SDK2: variants seen among roughly 807,000 people sequenced by gnomAD.
The protein encoded by SDK2 is sidekick cell adhesion molecule 2.
Under a neutral mutation model 253.9 loss-of-function variants are expected in SDK2, and 105 were observed. The observed-to-expected ratio is 0.41, with a 90% CI of 0.35 to 0.49. The LOEUF is 0.49. Among genes scored for constraint, SDK2 ranks in the 20% least tolerant of loss-of-function variants. The probability of loss-of-function intolerance (pLI) is 0.06; values close to 1 mark genes in which losing one functional copy is unlikely to be tolerated. For synonymous variants in SDK2, 1,249 were observed against 1,234.9 expected (o/e 1.01, Z -0.24); for missense variants, 2,608 against 3,003.0 (o/e 0.87, Z 3.07).
intron 1 of SDK2, among the ~76,000 whole-genome samples, chr17:73,592,342 G>A (rs1331050973): frequency 6.6e-6 from 1 of 152,236 alleles, no homozygotes; most frequent in Non-Finnish European, 1.5e-5. Flanking sequence ...ACACCTGTAT[G>A]ATCAGAAATG....
At chr17:73,346,141 G>A (rs773737434) in intron 44 of SDK2, among the ~76,000 whole-genome samples, 1 of 151,906 alleles carries the variant, frequency 6.6e-6, no homozygotes, top group Non-Finnish European at 1.5e-5. Flanking sequence ...GGGAGGTGGA[G>A]GTTGCAGTGA....
chr17:73,574,451 G>A (rs1599691946), intron 1 of SDK2, among the ~76,000 whole-genome samples: 1 of 152,312 alleles, frequency 6.6e-6, no homozygotes, highest in Non-Finnish European at 1.5e-5. Context: ...AAGCACACAT[G>A]CACACATACA....
At chr17:73,535,413 T>A (rs1224406612) in intron 1 of SDK2, among the ~76,000 whole-genome samples, 1 of 152,220 alleles carries the variant, frequency 6.6e-6, no homozygotes, top group Non-Finnish European at 1.5e-5. Context: ...TGGTGCCTGG[T>A]ACTGGTGTGC....
chr17:73,412,197 T>C (rs2063144924), intron 18 of SDK2, among the ~76,000 whole-genome samples: 1 of 149,012 alleles, frequency 6.7e-6, no homozygotes, highest in Admixed American at 6.8e-5. Context: ...CATACACACA[T>C]ATACATATAT....
Position 73,338,853 on chromosome 17 carries a change from T to C in SDK2, c.6253A>G (p.Asn2085Asp), listed in dbSNP as rs2062406330. The C allele has an allele frequency of 6.2e-7, 1 of 1,613,868 alleles. No individual in the cohort carries two copies. Among genetic ancestry groups the C allele is most frequent in the Non-Finnish European group, 8.5e-7 (1 of 1,179,876 alleles). Residue 2085 changes from asparagine to aspartate, a missense_variant, in exon 45 of 45, where the codon AAC becomes GAC. Physicochemically the swap from Asn to Asp is conservative, Grantham distance 23. This residue lies in a region of SDK2 where 1,103 missense variants were observed against 1,143.9 expected (regional missense o/e 0.96). Coordinates refer to ENST00000392650, the MANE Select transcript of SDK2 (RefSeq NM_001144952.2). The surrounding 1 kb of genome is among the most constrained non-coding windows in gnomAD (Gnocchi z 5.0). ...NHYISDPTYYNSWRRQQKGIS... is the reference protein window; with the variant it reads ...NHYISDPTYYDSWRRQQKGIS... ...CCCTTCTGCTGTCGCCGCCACGAGT[T>C]GTAGTATGTGGGGTCACTGATGTAG...
chr17:73,451,962 C>T (rs1377118417), intron 4 of SDK2, among the ~76,000 whole-genome samples: 1 of 152,060 alleles, frequency 6.6e-6, no homozygotes, highest in South Asian at 2.1e-4. Flanking sequence ...CATTTTTCAG[C>T]CACACCCCCT....
intron 1 of SDK2, among the ~76,000 whole-genome samples, chr17:73,576,389 G>C (rs1353335170): frequency 6.6e-6 from 1 of 152,194 alleles, no homozygotes; most frequent in African/African-American, 2.4e-5. Context: ...GGATGGGAAG[G>C]ACATCCCAAG....
intron 1 of SDK2, among the ~76,000 whole-genome samples, chr17:73,625,100 G>A (rs1263731150): frequency 6.6e-6 from 1 of 152,196 alleles, no homozygotes; most frequent in African/African-American, 2.4e-5. Flanking sequence ...CAGGATTCCA[G>A]CTGAGGTGTG....
At chr17:73,522,596 G>A (rs533922447) in intron 1 of SDK2, among the ~76,000 whole-genome samples, 60 of 152,360 alleles carry the variant, frequency 3.9e-4, no homozygotes, top group South Asian at 1.2e-3. Flanking sequence ...GAAGGTGATG[G>A]TATGTGGACT....
intron 1 of SDK2, among the ~76,000 whole-genome samples, chr17:73,591,321 C>T (rs912048286): frequency 2.0e-5 from 3 of 152,198 alleles, no homozygotes; most frequent in Non-Finnish European, 4.4e-5. Context: ...CCTTTGCTGG[C>T]GCCGGGTCTC....
chr17:73,345,687 G>A (rs1651761920), intron 44 of SDK2, among the ~76,000 whole-genome samples: 1 of 152,162 alleles, frequency 6.6e-6, no homozygotes, highest in Admixed American at 6.6e-5. Context: ...TAGGGAGAAT[G>A]GGGGCGGGAT....
At position 73,336,177 on chromosome 17, in the gene SDK2, TAAAAAAA is replaced by T. The variant is rs57845880; in HGVS notation, c.*2403_*2409del. ...AGAGAGGGAAAGGGATGAAGTTATT[TAAAAAAA>T]AAAAAAAAAAAAAGATGAGAGGAAA... is the stretch of plus-strand genomic sequence containing the variant. On this transcript the variant is annotated 3_prime_UTR_variant, in exon 45 of 45. Transcript: ENST00000392650. 3 of 116,142 alleles carry T rather than the reference TAAAAAAA, an allele frequency of 2.6e-5. No homozygotes were observed. Among genetic ancestry groups the T allele is most frequent in the African/African-American group, 9.6e-5 (3 of 31,350 alleles). The allele number at this position is 116,142 out of a possible 1,614,324, so 7.2% of individuals were successfully genotyped here.
intron 1 of SDK2, among the ~76,000 whole-genome samples, chr17:73,620,218 A>G (rs1484237316): frequency 2.0e-5 from 3 of 152,036 alleles, no homozygotes; most frequent in Non-Finnish European, 4.4e-5. Context: ...AAAAAAGACA[A>G]TGGACTTGAA....
intron 1 of SDK2, among the ~76,000 whole-genome samples, chr17:73,602,966 C>A (rs1241236341): frequency 6.6e-6 from 1 of 152,152 alleles, no homozygotes; most frequent in Non-Finnish European, 1.5e-5. Context: ...CTCAAGTGAT[C>A]CACCCACCTC....
chr17:73,561,723 A>C (rs4789152), intron 1 of SDK2, among the ~76,000 whole-genome samples: 47,774 of 152,048 alleles, frequency 0.31, 7,838 homozygotes, highest in East Asian at 0.48. Flanking sequence ...CCCTGAATTG[A>C]GTCTCTGCTC....
At chr17:73,371,508 G>A (rs2145444602) in intron 36 of SDK2, among the ~76,000 whole-genome samples, 1 of 152,274 alleles carries the variant, frequency 6.6e-6, no homozygotes, top group South Asian at 2.1e-4. Flanking sequence ...TAACAACTTT[G>A]GCAGGAAGAG....
intron 2 of SDK2, among the ~76,000 whole-genome samples, chr17:73,482,144 G>T (rs545609666): frequency 3.3e-5 from 5 of 152,058 alleles, no homozygotes; most frequent in Non-Finnish European, 7.4e-5. Context: ...GCATGGTGGC[G>T]TGTGCCTGTA....
chr17:73,448,239 C>G (rs765681908), intron 4 of SDK2, among the ~76,000 whole-genome samples: 2 of 152,320 alleles, frequency 1.3e-5, no homozygotes, highest in Middle Eastern at 3.4e-3. Flanking sequence ...AGGGCCATTC[C>G]AGAGTCCATG....
At chr17:73,627,991 G>A (rs1377450403) in intron 1 of SDK2, among the ~76,000 whole-genome samples, 5 of 152,250 alleles carry the variant, frequency 3.3e-5, no homozygotes, top group South Asian at 2.1e-4. Context: ...GGCGGAGCTT[G>A]CAGTGAGCCG....
Sources: allele counts gnomAD v4.1 joint callset (sites outside exome capture counted in the v4.1 genomes callset), GRCh38; gene constraint gnomAD v4.1.1; regional missense constraint gnomAD v4.1.1; non-coding constraint Gnocchi (gnomAD v3.1); transcripts MANE v1.5; gene names NCBI Gene and HGNC (gene_info 2026-07-23, HGNC 2026-07-21).